RERE: variants seen among roughly 807,000 people sequenced by gnomAD.
RERE encodes the protein arginine-glutamic acid dipeptide repeats protein.
Under a neutral mutation model 146.1 loss-of-function variants are expected in RERE, and 40 were observed. The ratio of observed to expected loss-of-function variants is 0.27; its 90% CI spans 0.21 to 0.36. The LOEUF (loss-of-function observed/expected upper bound fraction) is 0.36. RERE is among the 10% of genes least tolerant of loss of function. The pLI is 1.00. For synonymous variants in RERE, 1,003 were observed against 866.0 expected (o/e 1.16, Z -2.78); for missense variants, 1,933 against 2,138.7 (o/e 0.90, Z 1.90).
intron 1 of RERE, among the ~76,000 whole-genome samples, chr1:8,743,629 G>T (rs1466571621): frequency 6.6e-6 from 1 of 151,936 alleles, no homozygotes; most frequent in Non-Finnish European, 1.5e-5. Flanking sequence ...ACATGTCTCA[G>T]TATAGACATG....
At chr1:8,392,955 T>C (rs1642933388) in intron 12 of RERE, among the ~76,000 whole-genome samples, 1 of 152,172 alleles carries the variant, frequency 6.6e-6, no homozygotes, top group African/African-American at 2.4e-5. Context: ...CTAAACCATG[T>C]AGAGACGGTG....
intron 1 of RERE, chr1:8,786,760 T>A: frequency 1.3e-6 from 1 of 781,300 alleles, no homozygotes; most frequent in Non-Finnish European, 2.3e-6. Context: ...CTGCCTATAT[T>A]CCTTGTGATA....
intron 7 of RERE, among the ~76,000 whole-genome samples, chr1:8,528,990 A>G (rs1645604458): frequency 6.6e-6 from 1 of 152,230 alleles, no homozygotes; most frequent in Non-Finnish European, 1.5e-5. Flanking sequence ...TGCTCAAAGC[A>G]TTCTGGATTT....
At chr1:8,496,391 C>T (rs1366300627) in intron 9 of RERE, among the ~76,000 whole-genome samples, 1 of 151,748 alleles carries the variant, frequency 6.6e-6, no homozygotes, top group Non-Finnish European at 1.5e-5. Context: ...GCAGGAGGAT[C>T]GCTTGAGCTC....
chr1:8,362,550 A>G, intron 16 of RERE, 133 bp downstream of exon 16: 1 of 1,217,710 alleles, frequency 8.2e-7, no homozygotes, highest in Non-Finnish European at 1.2e-6. Context: ...GGCCAGGACA[A>G]TGCTGGTGTC....
At chr1:8,452,596 G>A (rs759329162) in intron 11 of RERE, among the ~76,000 whole-genome samples, 9 of 151,988 alleles carry the variant, frequency 5.9e-5, no homozygotes, top group Admixed American at 5.9e-4. Context: ...AATAATAGAA[G>A]AACAAACTAA....
At chr1:8,451,441 C>A (rs370425554) in intron 11 of RERE, among the ~76,000 whole-genome samples, 1 of 151,386 alleles carries the variant, frequency 6.6e-6, no homozygotes, top group Non-Finnish European at 1.5e-5. Flanking sequence ...CAAAAAAGAA[C>A]AAAAAAAATA....
chr1:8,621,900 A>G (rs1438610575), intron 3 of RERE, among the ~76,000 whole-genome samples: 2 of 152,246 alleles, frequency 1.3e-5, no homozygotes, highest in Non-Finnish European at 2.9e-5. Flanking sequence ...GAAAATAAGA[A>G]AGTGGAAATA....
At chr1:8,815,099 C>G (rs1641885602) in intron 1 of RERE, among the ~76,000 whole-genome samples, 1 of 152,218 alleles carries the variant, frequency 6.6e-6, no homozygotes, top group Admixed American at 6.5e-5. Flanking sequence ...TTCTGCAACC[C>G]ACATGTATTC....
In RERE at chr1:8,813,258, C is replaced by A. The variant is rs1207488829; in HGVS notation, c.-145+3902G>T. ...TAACGAAGTTCACAGCTAGGTTACA[C>A]TAATGACTCACTTAAACATTTGAAT... is the stretch of plus-strand genomic sequence containing the variant. On this transcript the variant is annotated intron_variant, in intron 1 of 22. Transcript: ENST00000400908. 2.0e-5 allele frequency among the ~76,000 whole-genome samples: 3 copies of A among 152,172 alleles called. 1 individual carries two copies. In the South Asian group the frequency reaches 6.2e-4, roughly 31 times the overall value.
chr1:8,693,706 T>C (rs1429863172), intron 1 of RERE, among the ~76,000 whole-genome samples: 1 of 152,130 alleles, frequency 6.6e-6, no homozygotes, highest in Non-Finnish European at 1.5e-5. Flanking sequence ...CCATGGAATG[T>C]ATAACACCAA....
chr1:8,617,784 G>A (rs1050107648), intron 3 of RERE, among the ~76,000 whole-genome samples: 9 of 152,170 alleles, frequency 5.9e-5, no homozygotes, highest in African/African-American at 2.2e-4. Context: ...CAGTCATATG[G>A]AAAACTCAAA....
chr1:8,686,233 T>G (rs1178078381), intron 1 of RERE, among the ~76,000 whole-genome samples: 2 of 152,276 alleles, frequency 1.3e-5, no homozygotes, highest in East Asian at 3.9e-4. Flanking sequence ...TCCGCTCGTC[T>G]TGGCCTCTCA....
chr1:8,810,424 G>A (rs1303564779), intron 1 of RERE, among the ~76,000 whole-genome samples: 1 of 152,194 alleles, frequency 6.6e-6, no homozygotes, highest in Non-Finnish European at 1.5e-5. Flanking sequence ...TGGGCAACAT[G>A]GCAAAACTCT....
intron 1 of RERE, among the ~76,000 whole-genome samples, chr1:8,747,815 G>T (rs564419204): frequency 7.2e-5 from 11 of 151,968 alleles, no homozygotes; most frequent in African/African-American, 2.7e-4. Flanking sequence ...TCTGTCGCCC[G>T]CGCTGGAGTA....
intron 4 of RERE, among the ~76,000 whole-genome samples, chr1:8,613,364 A>C (rs1026110785): frequency 4.6e-5 from 7 of 152,146 alleles, no homozygotes; most frequent in Non-Finnish European, 8.8e-5. Context: ...CCTGCGGGTC[A>C]TCTTCTCACA....
intron 6 of RERE, among the ~76,000 whole-genome samples, chr1:8,556,267 A>AAG (rs1329716009): frequency 6.6e-6 from 1 of 152,156 alleles, no homozygotes; most frequent in Non-Finnish European, 1.5e-5. Context: ...AAAAAAAAAA[A>AAG]AGAGAGAGAG....
chr1:8,462,750 A>C (rs1644543425), intron 11 of RERE, among the ~76,000 whole-genome samples: 1 of 152,222 alleles, frequency 6.6e-6, no homozygotes, highest in Non-Finnish European at 1.5e-5. Flanking sequence ...AGCGAAGTTT[A>C]GTAATAAGTA....
chr1:8,570,709 T>C (rs1377095175), intron 4 of RERE, among the ~76,000 whole-genome samples: 1 of 152,178 alleles, frequency 6.6e-6, no homozygotes, highest in African/African-American at 2.4e-5. Flanking sequence ...TGGACCATAG[T>C]TAAGAATGGC....
Sources: allele counts gnomAD v4.1 joint callset (sites outside exome capture counted in the v4.1 genomes callset), GRCh38; gene constraint gnomAD v4.1.1; transcripts MANE v1.5; gene names NCBI Gene and HGNC (gene_info 2026-07-23, HGNC 2026-07-21).